The following PI4KA variants were observed in gnomAD, a reference collection of about 807,000 sequenced individuals.
PI4KA encodes PI4-kinase alpha.
Under a neutral mutation model 271.4 loss-of-function variants are expected in PI4KA, and 122 were observed. That is an observed-to-expected ratio of 0.45 (90% confidence interval 0.39 to 0.52). The LOEUF (loss-of-function observed/expected upper bound fraction) is 0.52. Ranked by LOEUF, PI4KA falls within the 20% of genes least tolerant of loss-of-function variation. The probability of loss-of-function intolerance (pLI) is 0.00; values close to 1 mark genes in which losing one functional copy is unlikely to be tolerated. For missense variants in PI4KA, 1,969 were observed against 2,769.1 expected (o/e 0.71, Z 6.48); for synonymous variants, 1,041 against 1,078.8 (o/e 0.96, Z 0.69).
intron 12 of PI4KA, 27 bp from the exon 13 acceptor site, chr22:20,803,347 T>C (rs1306717378): frequency 6.2e-7 from 1 of 1,613,134 alleles, no homozygotes; most frequent in Non-Finnish European, 8.5e-7. Flanking sequence ...ACCTGTCACA[T>C]GGCCTGTGGT....
Position 20,719,129 on chromosome 22 carries a change from A to G in PI4KA, c.5117-307T>C, listed in dbSNP as rs552892791. 2.1e-4 allele frequency among the ~76,000 whole-genome samples: 32 copies of G among 152,302 alleles called. 1 individual carries two copies. In the East Asian group the frequency reaches 5.0e-3, roughly 24 times the overall value. On this transcript the variant is annotated intron_variant, in intron 43 of 54. Coordinates refer to ENST00000255882, the MANE Select transcript of PI4KA (RefSeq NM_058004.4). The stretch of plus-strand genomic sequence containing the variant: ...AGCCCGTGTCATTTATGAATGTCAC[A>G]GGGCATAGAATCCTCACTGCTGCAC...
intron 1 of PI4KA, among the ~76,000 whole-genome samples, chr22:20,846,398 A>AT (rs900916349): frequency 6.6e-5 from 10 of 152,094 alleles, no homozygotes; most frequent in Non-Finnish European, 1.0e-4. Flanking sequence ...TATTAAAAAA[A>AT]AATAATAAAG....
At chr22:20,820,429 T>C in intron 5 of PI4KA, 110 bp downstream of exon 5, 1 of 731,480 alleles carries the variant, frequency 1.4e-6, no homozygotes, top group Middle Eastern at 2.7e-4. Flanking sequence ...AATAGGAAGG[T>C]TTTCTCCCAT....
At position 20,752,993 on chromosome 22, in the gene PI4KA, C is replaced by T. The variant is rs767640561; in HGVS notation, c.2897G>A (p.Arg966Gln). 3.7e-6 allele frequency: 6 copies of T among 1,614,186 alleles called. No homozygotes were observed. Among genetic ancestry groups the T allele is most frequent in the South Asian group, 2.2e-5 (2 of 91,088 alleles). Residue 966 changes from arginine (R) to glutamine (Q), a missense_variant, in exon 25 of 55, where the codon CGG becomes CAG. Arg to Gln is a conservative substitution (Grantham distance 43). Transcript: ENST00000255882. ...GTTCACCAACAGGAACTGAGCGTGC[C>T]GCTCCAGCTCCTCCTCGTTCTCCTT... is the stretch of plus-strand genomic sequence containing the variant. ...KTKENEEELE[R>Q]HAQFLLVNFN...
chr22:20,767,410 C>T (rs1932632330), intron 19 of PI4KA, among the ~76,000 whole-genome samples: 1 of 151,568 alleles, frequency 6.6e-6, no homozygotes. Flanking sequence ...CGCTACTGCA[C>T]TCTAGCCTGG....
rs1435241988 is a variant in PI4KA at position 20,799,176 on chromosome 22, G to A, written c.1921C>T (p.Leu641=). ...PKVMEPILQI[L]QQKFCQPPSP... is the part of the protein sequence containing the mutation. Reference sequence around the variant, plus strand: ...GGTGGCTGGCAGAATTTCTGCTGTAGGATCTGCAGAATGGGCTCCATGACC... The same window carrying A: ...GGTGGCTGGCAGAATTTCTGCTGTAAGATCTGCAGAATGGGCTCCATGACC... The change falls in exon 16 of 55, where the codon CTA becomes TTA. Residue 641 remains leucine (L), a synonymous_variant. Coordinates refer to ENST00000255882, the MANE Select transcript of PI4KA (RefSeq NM_058004.4). 2 of 1,608,776 alleles carry A rather than the reference G, an allele frequency of 1.2e-6. No homozygotes were observed. The highest frequency in any genetic ancestry group is 2.2e-5 in the East Asian group (1 of 44,826).
intron 1 of PI4KA, among the ~76,000 whole-genome samples, chr22:20,847,247 ACCTGCACAT>A (rs909671508): frequency 6.6e-6 from 1 of 152,116 alleles, no homozygotes; most frequent in African/African-American, 2.4e-5. Context: ...CATTTAACAA[ACCTGCACAT>A]CCTGCACATG....
In PI4KA at chr22:20,805,107, C is replaced by G. The variant is rs147518064; in HGVS notation, c.1227G>C (p.Thr409=). The part of the protein sequence containing the change: ...IHDFVLEQFN[T]SQGELQKILH... ...GAATCTTCTGGAGCTCCCCCTGGCT[C>G]GTGTTGAACTGCTCCAGCACAAAAT... is the stretch of plus-strand genomic sequence containing the variant. The change falls in exon 11 of 55, where the codon ACG becomes ACC. Residue 409 remains threonine, a synonymous_variant. Transcript: ENST00000255882. 1.0e-3 allele frequency: 1,684 copies of G among 1,613,988 alleles called. 2 individuals carry two copies. Among genetic ancestry groups the G allele is most frequent in the Non-Finnish European group, 1.3e-3 (1,579 of 1,179,974 alleles).
chr22:20,757,931 G>A (rs993766073), intron 23 of PI4KA, among the ~76,000 whole-genome samples: 2 of 152,064 alleles, frequency 1.3e-5, no homozygotes, highest in African/African-American at 2.4e-5. Flanking sequence ...TTTCAATTTT[G>A]TTGTTGCTTA....
intron 19 of PI4KA, chr22:20,786,153 C>G (rs1934205475): frequency 6.2e-7 from 1 of 1,613,870 alleles, no homozygotes; most frequent in African/African-American, 1.3e-5. Flanking sequence ...GACCTGGTAA[C>G]CACTCCCTTG....
chr22:20,785,868 C>A (rs924910204), intron 19 of PI4KA: 2 of 1,256,846 alleles, frequency 1.6e-6, no homozygotes, highest in Non-Finnish European at 2.3e-6. Context: ...AACTGACAGT[C>A]CCGGAATATA....
intron 2 of PI4KA, among the ~76,000 whole-genome samples, chr22:20,835,492 G>A (rs1032931760): frequency 6.6e-6 from 1 of 152,174 alleles, no homozygotes; most frequent in Non-Finnish European, 1.5e-5. Context: ...AGCACTTTGG[G>A]AGACCCAGGC....
intron 3 of PI4KA, among the ~76,000 whole-genome samples, chr22:20,830,120 G>A (rs1446979253): frequency 6.6e-6 from 1 of 152,196 alleles, no homozygotes; most frequent in South Asian, 2.1e-4. Context: ...TGCTGCTTTC[G>A]AGTGGAGTGT....
At chr22:20,799,352 C>A in intron 15 of PI4KA, 76 bp from the exon 16 acceptor site, 1 of 1,290,584 alleles carries the variant, frequency 7.7e-7, no homozygotes. Flanking sequence ...CCAGAGACTA[C>A]GATCTAGACC....
At chr22:20,708,195 T>C (rs1376839813) in intron 54 of PI4KA, 97 bp from the exon 55 acceptor site, 11 of 917,006 alleles carry the variant, frequency 1.2e-5, no homozygotes, top group Non-Finnish European at 1.8e-5. Flanking sequence ...CAGCCCCTTA[T>C]GGCTGCCCAG....
At chr22:20,807,826 T>A (rs985685273) in intron 9 of PI4KA, among the ~76,000 whole-genome samples, 1 of 152,176 alleles carries the variant, frequency 6.6e-6, no homozygotes, top group Non-Finnish European at 1.5e-5. Flanking sequence ...GGATCCACAC[T>A]GTCCATCATC....
chr22:20,770,466 T>C (rs1438354292), intron 19 of PI4KA, among the ~76,000 whole-genome samples: 2 of 144,718 alleles, frequency 1.4e-5, no homozygotes, highest in African/African-American at 5.2e-5. Context: ...CAAGCTAAGA[T>C]TGAGCCACTG....
rs764843454 is a variant in PI4KA at position 20,819,856 on chromosome 22, G to A, written c.574C>T (p.Arg192Ter). The A allele has an allele frequency of 1.5e-5, 25 of 1,613,700 alleles. No individual in the cohort carries two copies. The highest frequency in any genetic ancestry group is 1.9e-5 in the Non-Finnish European group (23 of 1,179,674). ...YAIPCLIGISRAFGRYSNMEE... is the reference protein window; with the variant it reads ...YAIPCLIGIS ...ATGTTGCTGTAACGCCCAAATGCTC[G>A]CGAGATTCCTATCAGGCATGGGATA... The change falls in exon 6 of 55, where the codon CGA (arginine) becomes TGA (stop). Residue 192 changes from arginine to a stop codon, truncating the protein, a stop_gained. Coordinates refer to ENST00000255882, the MANE Select transcript of PI4KA (RefSeq NM_058004.4). LOFTEE classifies it high-confidence loss of function.
intron 45 of PI4KA, among the ~76,000 whole-genome samples, chr22:20,717,012 G>A (rs1220878289): frequency 1.8e-4 from 27 of 152,254 alleles, no homozygotes; most frequent in Admixed American, 3.9e-4. Context: ...TTGGGAGGCC[G>A]AGGCGGGCAG....
Sources: allele counts gnomAD v4.1 joint callset (sites outside exome capture counted in the v4.1 genomes callset), GRCh38; gene constraint gnomAD v4.1.1; transcripts MANE v1.5; gene names NCBI Gene and HGNC (gene_info 2026-07-23, HGNC 2026-07-21).